The following TCF20 variants were observed in gnomAD, a reference collection of about 807,000 sequenced individuals.
The protein encoded by TCF20 is SPRE-binding protein.
In TCF20, 3 loss-of-function variants were observed where a neutral mutation model predicts 148.6. That is an observed-to-expected ratio of 0.02 (90% CI 0.01 to 0.05). The LOEUF (loss-of-function observed/expected upper bound fraction) is 0.05. Among genes scored for constraint, TCF20 ranks in the 10% least tolerant of loss-of-function variants. The pLI, the probability that TCF20 is intolerant of heterozygous loss-of-function variation, is 1.00. For missense variants in TCF20, 2,350 were observed against 2,429.3 expected (o/e 0.97, Z 0.69); for synonymous variants, 1,049 against 909.5 (o/e 1.15, Z -2.76).
rs937030431 is a variant in TCF20, at chr22:42,190,715, G to C, written c.5656-11013C>G. On this transcript the variant is annotated intron_variant, in intron 2 of 5. Coordinates refer to ENST00000677622, the MANE Select transcript of TCF20 (RefSeq NM_001378418.1). ...GGGGTTCCTTTTGTCTATTTAGAGC[G>C]TATTTTACAGGTCAGACACAGTATT... Among the ~76,000 whole-genome samples, 2 of 152,132 alleles carry C rather than the reference G, an allele frequency of 1.3e-5. 1 individual carries two copies. Among genetic ancestry groups the C allele is most frequent in the South Asian group, 4.1e-4 (2 of 4,824 alleles).
At chr22:42,178,280 A>C (rs1936562359) in intron 3 of TCF20, among the ~76,000 whole-genome samples, 1 of 152,234 alleles carries the variant, frequency 6.6e-6, no homozygotes, top group Non-Finnish European at 1.5e-5. Context: ...GTTAAACATT[A>C]ATCAAACCCA....
intron 1 of TCF20, among the ~76,000 whole-genome samples, chr22:42,321,038 T>C (rs1927723170): frequency 6.6e-6 from 1 of 152,230 alleles, no homozygotes; most frequent in Non-Finnish European, 1.5e-5. Flanking sequence ...GCTGAGAATT[T>C]AAATACACAG....
chr22:42,169,176 G>GA (rs1935971064), intron 4 of TCF20, among the ~76,000 whole-genome samples: 1 of 151,590 alleles, frequency 6.6e-6, no homozygotes, highest in African/African-American at 2.4e-5. Flanking sequence ...GCCCCTGCAG[G>GA]AAACATCAGG....
intron 1 of TCF20, among the ~76,000 whole-genome samples, chr22:42,269,585 G>A (rs769772146): frequency 3.3e-5 from 5 of 152,136 alleles, no homozygotes; most frequent in Non-Finnish European, 7.4e-5. Context: ...ACTTTCCCCC[G>A]AAAAAGGGAC....
At chr22:42,322,747 GGAATGAATGAGTGTCTGAGT>G (rs1347999388) in intron 1 of TCF20, among the ~76,000 whole-genome samples, 19 of 126,484 alleles carry the variant, frequency 1.5e-4, no homozygotes, top group Admixed American at 1.0e-3. Context: ...AGTGCCCGAG[GGAATGAATGAGTGTCTGAGT>G]GAATGAATGA....
chr22:42,215,251 G>C lies in TCF20; in HGVS notation c.55C>G (p.Gln19Glu), dbSNP rs1418116716. The change falls in exon 2 of 6, where the codon CAG (glutamine) becomes GAG (glutamate). Residue 19 changes from glutamine to glutamate, a missense_variant. Around this residue, in one of 7 missense-constraint regions of TCF20, gnomAD observed 1,641 missense variants for 1,662.6 expected, o/e 0.99. Coordinates refer to ENST00000677622, the MANE Select transcript of TCF20 (RefSeq NM_001378418.1). ...SYHGNQQSYP[Q>E]EVHGSSRLEE... ...AGCCGGGATGAGCCGTGTACCTCCT[G>C]TGGGTAGCTTTGCTGGTTTCCGTGG... is the stretch of plus-strand genomic sequence containing the variant. The C allele has an allele frequency of 6.2e-7, 1 of 1,614,080 alleles. No individual in the cohort carries two copies. Among genetic ancestry groups the C allele is most frequent in the African/African-American group, 1.3e-5 (1 of 74,930 alleles).
In TCF20 at chr22:42,211,407, G is replaced by C; in HGVS notation, c.3899C>G (p.Ala1300Gly). The C allele has an allele frequency of 6.2e-7, 1 of 1,614,196 alleles. No homozygotes were observed. The highest frequency in any genetic ancestry group is 8.5e-7 in the Non-Finnish European group (1 of 1,180,040). ...GATATCCTGACTGTGAGAAAGATGG[G>C]CATAGGAATTGAATGCTTTATCAGC... ...EGADKAFNSY[A>G]HLSHSQDIKS... The change falls in exon 2 of 6, where the codon GCC becomes GGC. Residue 1300 changes from alanine to glycine, a missense_variant. This residue lies in a region of TCF20 where 1,641 missense variants were observed against 1,662.6 expected (regional missense o/e 0.99). Transcript: ENST00000677622.
rs905724469 is a variant in TCF20, at chr22:42,296,814, C to T, written c.-37+46665G>A. Among the ~76,000 whole-genome samples the T allele has an allele frequency of 1.3e-4, 20 of 152,338 alleles. 2 individuals carry two copies. Among genetic ancestry groups the T allele is most frequent in the Admixed American group, 9.8e-4 (15 of 15,306 alleles). On this transcript the variant is annotated intron_variant, in intron 1 of 1. Coordinates refer to the TCF20 transcript ENST00000515426. Reference sequence around the variant, plus strand: ...TGCAGGGGGACCCAGGAGGCCCCGTCGCCATTTATTCAGCTCAGCTTTTCG... The same window carrying T: ...TGCAGGGGGACCCAGGAGGCCCCGTTGCCATTTATTCAGCTCAGCTTTTCG...
At chr22:42,296,418 G>A (rs534506076) in intron 1 of TCF20, among the ~76,000 whole-genome samples, 45 of 152,344 alleles carry the variant, frequency 3.0e-4, no homozygotes, top group African/African-American at 6.3e-4. Context: ...GGGTGGTGCC[G>A]AGAGCCAGTG....
rs1927148658 is a variant in TCF20, at chr22:42,292,366, G to A, written c.-37+51113C>T. On this transcript the variant is annotated intron_variant, in intron 1 of 1. Coordinates refer to the TCF20 transcript ENST00000515426. The surrounding 1 kb of genome is among the most constrained non-coding windows in gnomAD (Gnocchi z 4.9). ...CACTAGGTCAAGGATGCCACAGAAGGAGCCCTTTCTGGCCTCATCCTGCCC... is the reference window on the plus strand; with the variant it reads ...CACTAGGTCAAGGATGCCACAGAAGAAGCCCTTTCTGGCCTCATCCTGCCC... Among the ~76,000 whole-genome samples, 1 of 152,194 alleles carries A rather than the reference G, an allele frequency of 6.6e-6. No homozygotes were observed. Among genetic ancestry groups the A allele is most frequent in the Non-Finnish European group, 1.5e-5 (1 of 68,030 alleles).
Position 42,279,046 on chromosome 22 carries a change from G to A in TCF20, c.-37+4781C>T, listed in dbSNP as rs1170553664. Among the ~76,000 whole-genome samples the A allele has an allele frequency of 6.6e-6, 1 of 152,100 alleles. No individual in the cohort carries two copies. Among genetic ancestry groups the A allele is most frequent in the East Asian group, 1.9e-4 (1 of 5,202 alleles). On this transcript the variant is annotated intron_variant, in intron 1 of 5. Coordinates refer to the TCF20 transcript ENST00000359486. This position sits in a 1 kb window ranked among gnomAD's most constrained non-coding sequence, Gnocchi z 4.3. ...CCCATTATCAGTATATCCCTCTGTG[G>A]GCAAATGATGACAGACATGCATGGT...
chr22:42,198,652 G>A (rs920864521), intron 2 of TCF20, among the ~76,000 whole-genome samples: 2 of 150,450 alleles, frequency 1.3e-5, no homozygotes, highest in East Asian at 3.9e-4. Context: ...CAGAACAGAT[G>A]GAATTTTTCC....
intron 3 of TCF20, among the ~76,000 whole-genome samples, chr22:42,173,753 A>C (rs531374062): frequency 6.6e-6 from 1 of 152,184 alleles, no homozygotes; most frequent in African/African-American, 2.4e-5. Context: ...AAAAGACCGC[A>C]ATGACCAAGA....
At chr22:42,235,160 A>C (rs1398916568) in intron 1 of TCF20, among the ~76,000 whole-genome samples, 1 of 136,542 alleles carries the variant, frequency 7.3e-6, no homozygotes, top group African/African-American at 3.3e-5. Context: ...AAAAAAAAAG[A>C]ACTTTGTAAA....
chr22:42,218,493 G>A (rs1247982708), intron 1 of TCF20, among the ~76,000 whole-genome samples: 8 of 152,076 alleles, frequency 5.3e-5, no homozygotes, highest in Admixed American at 4.6e-4. Flanking sequence ...CTCAGTGCCA[G>A]TGGCCTTCTC....
chr22:42,250,207 G>C (rs923286821), intron 1 of TCF20, among the ~76,000 whole-genome samples: 7 of 152,172 alleles, frequency 4.6e-5, no homozygotes, highest in African/African-American at 9.7e-5. Flanking sequence ...GTGAGGCCAA[G>C]GCGGGCAGAT....
rs1398759499 is a variant in TCF20 at position 42,270,422 on chromosome 22, CGGGGTG to C, written c.-126_-121del. Among the ~76,000 whole-genome samples the C allele has an allele frequency of 1.4e-5, 2 of 140,448 alleles. No individual in the cohort carries two copies. The highest frequency in any genetic ancestry group is 7.0e-5 in the Admixed American group (1 of 14,328). The allele number at this position is 140,448 out of a possible 152,430, so 92.1% of individuals were successfully genotyped here. A position where few individuals can be genotyped will look rare whatever the true frequency, so the allele number is the denominator to read the frequency against. ...GGTGGCGACGGCGGGCGGCGCTGCG[CGGGGTG>C]GGGGTGGGGGTGGCTCCGCCGCCTC... On this transcript the variant is annotated 5_prime_UTR_variant, in exon 1 of 6. Transcript: ENST00000677622.
intron 1 of TCF20, 141 bp from the exon 2 acceptor site, chr22:42,215,482 T>C: frequency 1.7e-6 from 2 of 1,148,674 alleles, no homozygotes; most frequent in Non-Finnish European, 1.2e-6. Flanking sequence ...TTTTTTTTGG[T>C]TTTTTGAGAC....
intron 1 of TCF20, among the ~76,000 whole-genome samples, chr22:42,260,535 A>C (rs1251157461): frequency 6.6e-6 from 1 of 152,194 alleles, no homozygotes; most frequent in Non-Finnish European, 1.5e-5. Context: ...AATTCATGAG[A>C]GATACATATA....
Sources: gnomAD v4.1 joint callset for allele counts (sites outside exome capture counted in the v4.1 genomes callset) on GRCh38, gnomAD v4.1.1 for gene constraint, gnomAD v4.1.1 regional missense constraint, Gnocchi (gnomAD v3.1) non-coding constraint, MANE v1.5 for transcripts, NCBI Gene and HGNC (gene_info 2026-07-23, HGNC 2026-07-21) for gene names.